Variants in E2F8 observed in about 807,000 individuals in gnomAD.
E2F8 encodes the protein transcription factor E2F8.
A neutral mutation model predicts 80.8 loss-of-function variants in E2F8; 35 were observed. The observed-to-expected ratio is 0.43, with a 90% CI of 0.33 to 0.57. E2F8 has a LOEUF of 0.57. Among genes scored for constraint, E2F8 ranks in the 20% least tolerant of loss-of-function variants. The probability of loss-of-function intolerance (pLI) is 0.04; values close to 1 mark genes in which losing one functional copy is unlikely to be tolerated. For synonymous variants in E2F8, 386 were observed against 395.0 expected (o/e 0.98, Z 0.27); for missense variants, 975 against 1,056.2 (o/e 0.92, Z 1.07).
Position 19,237,465 on chromosome 11 carries a change from G to A in E2F8, c.300C>T (p.His100=), listed in dbSNP as rs1440339350. Residue 100 remains histidine, a synonymous_variant, in exon 4 of 13, where the codon CAC becomes CAT. Transcript: ENST00000250024. ...ATTTCTCAAATTCATCTCCAGATAA[G>A]TGTTCCTACAAAGGAAAAGGTAAAC... ...LPEAKDCIHE[H]LSGDEFEKSQ... is the part of the protein sequence containing the mutation. 1.2e-6 allele frequency: 2 copies of A among 1,612,538 alleles called. No individual in the cohort carries two copies. Among genetic ancestry groups the A allele is most frequent in the Non-Finnish European group, 1.7e-6 (2 of 1,179,600 alleles).
Position 19,234,529 on chromosome 11 carries a change from G to A in E2F8, c.767-8C>T. On this transcript the variant is annotated splice_polypyrimidine_tract_variant and splice_region_variant and intron_variant, in intron 5 of 12. Coordinates refer to ENST00000250024, the MANE Select transcript of E2F8 (RefSeq NM_024680.4). Reference sequence around the variant, plus strand: ...TGCGGCTGTTTACAGAAGCTTTAGAGAAGGATGAGGATTAGAGAATTAAAA... The same window carrying A: ...TGCGGCTGTTTACAGAAGCTTTAGAAAAGGATGAGGATTAGAGAATTAAAA... 2 of 1,611,952 alleles carry A rather than the reference G, an allele frequency of 1.2e-6. No individual in the cohort carries two copies. Among genetic ancestry groups the A allele is most frequent in the South Asian group, 2.2e-5 (2 of 90,320 alleles).
Position 19,229,585 on chromosome 11 carries a change from T to C in E2F8, c.1762A>G (p.Arg588Gly). Residue 588 changes from arginine to glycine, a missense_variant, in exon 10 of 13, where the codon AGG becomes GGG. Coordinates refer to ENST00000250024, the MANE Select transcript of E2F8 (RefSeq NM_024680.4). The surrounding 1 kb of genome is among the most constrained non-coding windows in gnomAD (Gnocchi z 4.3). ...RPGSLLPAPE[R>G]QGAKSRTREP... ...CTGGTTCGGCTCTTTGCCCCTTGCC[T>C]CTCTGGTGCTGGCAGCAAGCTTCCA... The C allele has an allele frequency of 6.2e-7, 1 of 1,614,252 alleles. No individual in the cohort carries two copies. Among genetic ancestry groups the C allele is most frequent in the African/African-American group, 1.3e-5 (1 of 75,080 alleles).
intron 7 of E2F8, 46 bp from the exon 8 acceptor site, chr11:19,230,880 G>T (rs793252): frequency 0.41 from 650,754 of 1,583,520 alleles, 134,490 homozygotes; most frequent in East Asian, 0.51. Flanking sequence ...TGGCTCAGTT[G>T]GCTTTTGGGA....
At chr11:19,225,941 A>C in intron 10 of E2F8, 77 bp from the exon 11 acceptor site, 1 of 1,529,516 alleles carries the variant, frequency 6.5e-7, no homozygotes, top group Non-Finnish European at 8.8e-7. Flanking sequence ...TTTCAGGACT[A>C]ATATCCCTTG....
Position 19,234,447 on chromosome 11 carries a change from T to C in E2F8, c.841A>G (p.Thr281Ala), listed in dbSNP as rs781539196. 15 of 1,614,070 alleles carry C rather than the reference T, an allele frequency of 9.3e-6. No individual in the cohort carries two copies. The highest frequency in any genetic ancestry group is 6.7e-5 in the African/African-American group (5 of 74,930). Reference protein sequence around the residue: ...QKFVMLFLVSTPQIVSLEVAA... With the variant: ...QKFVMLFLVSAPQIVSLEVAA... ...ACTTCTAGGCTTACTATCTGAGGCGTTGACACCAAAAACAGCATCACAAAT... is the reference window on the plus strand; with the variant it reads ...ACTTCTAGGCTTACTATCTGAGGCGCTGACACCAAAAACAGCATCACAAAT... The change falls in exon 6 of 13, where the codon ACG becomes GCG. Residue 281 changes from threonine to alanine, a missense_variant. Coordinates refer to ENST00000250024, the MANE Select transcript of E2F8 (RefSeq NM_024680.4).
chr11:19,236,031 C>T (rs1851509958), intron 4 of E2F8, among the ~76,000 whole-genome samples: 1 of 152,124 alleles, frequency 6.6e-6, no homozygotes, highest in South Asian at 2.1e-4. Flanking sequence ...GAATTCTCTT[C>T]GTTCAAGAAA....
At chr11:19,239,459 CT>C (rs1851604884) in intron 2 of E2F8, among the ~76,000 whole-genome samples, 1 of 152,116 alleles carries the variant, frequency 6.6e-6, no homozygotes, top group African/African-American at 2.4e-5. Flanking sequence ...TGTAAGTTCA[CT>C]TTTTTAAACC....
intron 7 of E2F8, among the ~76,000 whole-genome samples, chr11:19,231,501 C>G (rs1371064389): frequency 1.3e-5 from 2 of 152,194 alleles, no homozygotes; most frequent in African/African-American, 2.4e-5. Flanking sequence ...GGAATGGAAC[C>G]TAAGTTTCCC....
chr11:19,238,161 C>A (rs1851573481), intron 2 of E2F8, 29 bp from the exon 3 acceptor site: 1 of 1,581,418 alleles, frequency 6.3e-7, no homozygotes, highest in African/African-American at 1.4e-5. Context: ...ATAATTAAAT[C>A]CATGGTAAAA....
At chr11:19,232,422 G>T (rs775099252) in intron 6 of E2F8, 51 bp from the exon 7 acceptor site, 91 of 1,508,970 alleles carry the variant, frequency 6.0e-5, no homozygotes, top group Non-Finnish European at 7.2e-5. Context: ...AAAGATCAAA[G>T]AATTTTCCTT....
At chr11:19,227,905 T>C (rs1433005691) in intron 10 of E2F8, among the ~76,000 whole-genome samples, 1 of 152,108 alleles carries the variant, frequency 6.6e-6, no homozygotes, top group Admixed American at 6.5e-5. Context: ...CTGAGCAACA[T>C]GGTGAAACCC....
chr11:19,224,998 A>C lies in E2F8; in HGVS notation c.2422-158T>G, dbSNP rs144659505. ...AAGCTTTGGTGAGTTTTACATTCTC[A>C]ATTATTTTTGTTAGGGGAGAGACAA... On this transcript the variant is annotated intron_variant, in intron 12 of 12. Transcript: ENST00000250024. The C allele has an allele frequency of 3.5e-6, 4 of 1,141,152 alleles. No homozygotes were observed. In the African/African-American group the frequency reaches 4.7e-5, roughly 13 times the overall value. The allele number at this position is 1,141,152 out of a possible 1,614,324, so 70.7% of individuals were successfully genotyped here. A position where few individuals can be genotyped will look rare whatever the true frequency, so the allele number is the denominator to read the frequency against.
chr11:19,234,344 C>T lies in E2F8; in HGVS notation c.928+16G>A. 1 of 1,611,146 alleles carries T rather than the reference C, an allele frequency of 6.2e-7. No individual in the cohort carries two copies. The highest frequency in any genetic ancestry group is 8.5e-7 in the Non-Finnish European group (1 of 1,179,032). On this transcript the variant is annotated intron_variant, in intron 6 of 12. Transcript: ENST00000250024. The stretch of plus-strand genomic sequence containing the variant: ...TAAGAATAGGTTCAAAAATCCATGG[C>T]AGTCATGACACTTACTTTTAAACTT...
intron 5 of E2F8, 59 bp from the exon 6 acceptor site, chr11:19,234,580 A>C: frequency 6.3e-7 from 1 of 1,590,896 alleles, no homozygotes; most frequent in Non-Finnish European, 8.6e-7. Context: ...GTGACTTCTA[A>C]AGTAACAAGG....
At chr11:19,230,561 C>T in intron 8 of E2F8, 70 bp downstream of exon 8, 1 of 1,531,492 alleles carries the variant, frequency 6.5e-7, no homozygotes, top group South Asian at 1.2e-5. Flanking sequence ...TTGCAAGGAT[C>T]AAGTAAGCTG....
chr11:19,231,579 A>C lies in E2F8; in HGVS notation c.1066+655T>G, dbSNP rs1851384249. On this transcript the variant is annotated intron_variant, in intron 7 of 12. Transcript: ENST00000250024. ...GGGTGGGGATCTTTGGTAGAATGCA[A>C]AATGTCAGCATCGCAGAGTTAAGAT... Among the ~76,000 whole-genome samples the C allele has an allele frequency of 2.0e-5, 3 of 152,316 alleles. 1 individual carries two copies. The South Asian group carries it at 6.2e-4, about 32-fold the overall frequency.
chr11:19,225,405 G>A lies in E2F8; in HGVS notation c.2237C>T (p.Pro746Leu). The A allele has an allele frequency of 6.2e-7, 1 of 1,614,202 alleles. No homozygotes were observed. The highest frequency in any genetic ancestry group is 8.5e-7 in the Non-Finnish European group (1 of 1,180,034). The change falls in exon 12 of 13, where the codon CCC (proline) becomes CTC (leucine). Residue 746 changes from proline (P) to leucine (L), a missense_variant. Pro to Leu is a moderately conservative substitution (Grantham distance 98). Transcript: ENST00000250024. ...AGGGCTGGCAGACAACTGCACATTG[G>A]GTGAGATGAGTCCCAGGTGCTGCAG... is the stretch of plus-strand genomic sequence containing the variant. The part of the protein sequence containing the change: ...FTLQHLGLIS[P>L]NVQLSASPGS...
rs765685546 is a variant in E2F8, at chr11:19,225,588, A to G, written c.2054T>C (p.Leu685Pro). 5.6e-6 allele frequency: 9 copies of G among 1,614,082 alleles called. No individual in the cohort carries two copies. Among genetic ancestry groups the G allele is most frequent in the Non-Finnish European group, 7.6e-6 (9 of 1,179,904 alleles). The change falls in exon 12 of 13, where the codon CTC becomes CCC. Residue 685 changes from leucine (L) to proline (P), a missense_variant. By Grantham distance (98) the Leu-to-Pro change is moderately conservative. Coordinates refer to ENST00000250024, the MANE Select transcript of E2F8 (RefSeq NM_024680.4). The stretch of plus-strand genomic sequence containing the variant: ...AAAAGAGGGAAAATTAACAGCAGTG[A>G]GTTCAGATGATGTCACTGGAATAAC... ...AGVIPVTSSE[L>P]TAVNFPSFHV...
chr11:19,231,502 T>C (rs793251), intron 7 of E2F8, among the ~76,000 whole-genome samples: 2,581 of 152,312 alleles, frequency 0.017, 70 homozygotes, highest in African/African-American at 0.059. Flanking sequence ...GAATGGAACC[T>C]AAGTTTCCCT....
Sources: allele counts gnomAD v4.1 joint callset (sites outside exome capture counted in the v4.1 genomes callset), GRCh38; gene constraint gnomAD v4.1.1; non-coding constraint Gnocchi (gnomAD v3.1); transcripts MANE v1.5; gene names NCBI Gene and HGNC (gene_info 2026-07-23, HGNC 2026-07-21).